The following MMS22L variants were observed in gnomAD, a reference collection of about 807,000 sequenced individuals.
MMS22L encodes the protein MMS22 like, DNA repair protein.
MMS22L carries 74 observed loss-of-function variants against 159.1 expected under a neutral mutation model. The ratio of observed to expected loss-of-function variants is 0.47; its 90% CI spans 0.39 to 0.56. MMS22L has a LOEUF of 0.56. Among genes scored for constraint, MMS22L ranks in the 20% least tolerant of loss-of-function variants. The pLI, the probability that MMS22L is intolerant of heterozygous loss-of-function variation, is 0.00. For synonymous variants in MMS22L, 517 were observed against 506.9 expected (o/e 1.02, Z -0.27); for missense variants, 1,351 against 1,422.1 (o/e 0.95, Z 0.80).
intron 14 of MMS22L, among the ~76,000 whole-genome samples, chr6:97,214,727 A>G (rs1206035237): frequency 6.9e-6 from 1 of 145,258 alleles, no homozygotes. Flanking sequence ...TAGGAGAAAC[A>G]TTTTTCTTCC....
At chr6:97,243,970 C>A (rs896979726) in intron 11 of MMS22L, among the ~76,000 whole-genome samples, 3 of 152,036 alleles carry the variant, frequency 2.0e-5, no homozygotes, top group Non-Finnish European at 4.4e-5. Context: ...GTGGAGGTAG[C>A]AGGGGAGTGA....
intron 11 of MMS22L, among the ~76,000 whole-genome samples, chr6:97,238,995 T>C (rs1438285174): frequency 1.3e-5 from 2 of 148,868 alleles, no homozygotes; most frequent in African/African-American, 5.0e-5. Flanking sequence ...GACTCATTTA[T>C]TTATGCATAA....
chr6:97,273,590 T>G (rs980657495), intron 4 of MMS22L, among the ~76,000 whole-genome samples: 6 of 152,174 alleles, frequency 3.9e-5, no homozygotes, highest in Non-Finnish European at 5.9e-5. Flanking sequence ...ACACCTATAC[T>G]TGGATTGCTC....
At chr6:97,152,172 C>G (rs897783471) in intron 22 of MMS22L, among the ~76,000 whole-genome samples, 16 of 151,974 alleles carry the variant, frequency 1.1e-4, no homozygotes, top group African/African-American at 3.9e-4. Flanking sequence ...ATCCTACAAA[C>G]AGTAACATAC....
chr6:97,217,025 T>C (rs1246365583), intron 14 of MMS22L, among the ~76,000 whole-genome samples: 1 of 152,166 alleles, frequency 6.6e-6, no homozygotes, highest in Non-Finnish European at 1.5e-5. Context: ...CTAGTTTCTG[T>C]TTTACAGTGT....
intron 14 of MMS22L, among the ~76,000 whole-genome samples, chr6:97,190,131 T>C (rs897889377): frequency 1.3e-5 from 2 of 152,182 alleles, no homozygotes; most frequent in East Asian, 1.9e-4. Context: ...CTGCTGAAGG[T>C]ACATTTACAA....
At chr6:97,252,766 T>C (rs553329505) in intron 10 of MMS22L, among the ~76,000 whole-genome samples, 1 of 152,228 alleles carries the variant, frequency 6.6e-6, no homozygotes, top group East Asian at 1.9e-4. Context: ...CTTACTTACA[T>C]TGATTAAAAT....
intron 22 of MMS22L, among the ~76,000 whole-genome samples, chr6:97,159,694 CT>C (rs1802221125): frequency 6.6e-6 from 1 of 151,800 alleles, no homozygotes; most frequent in African/African-American, 2.4e-5. Context: ...AATTCCACAC[CT>C]GACTTCATGT....
intron 22 of MMS22L, among the ~76,000 whole-genome samples, chr6:97,161,072 C>T (rs914422312): frequency 1.3e-5 from 2 of 151,996 alleles, no homozygotes; most frequent in Admixed American, 6.6e-5. Flanking sequence ...ACTGGCAGTT[C>T]CTGTGGCCTG....
intron 11 of MMS22L, among the ~76,000 whole-genome samples, chr6:97,238,572 C>CATGTGT (rs1052667059): frequency 3.3e-5 from 3 of 91,434 alleles, no homozygotes; most frequent in Admixed American, 1.0e-4. Context: ...TGTCTCATCT[C>CATGTGT]GTGTGTGTGT....
At chr6:97,280,030 CTAGA>C in intron 3 of MMS22L, among the ~76,000 whole-genome samples, 1 of 152,206 alleles carries the variant, frequency 6.6e-6, no homozygotes, top group East Asian at 1.9e-4. Flanking sequence ...AACCTATGTC[CTAGA>C]TAAAGACTCG....
chr6:97,282,510 C>T lies in MMS22L; in HGVS notation c.-33G>A, dbSNP rs535717386. On this transcript the variant is annotated 5_prime_UTR_variant, in exon 2 of 25. Transcript: ENST00000683635. Reference sequence around the variant, plus strand: ...TTCATGTTCTGAAACACTTGGGGTTCGTCGTATCATTAAGGGCTCCAAAGA... The same window carrying T: ...TTCATGTTCTGAAACACTTGGGGTTTGTCGTATCATTAAGGGCTCCAAAGA... 3.2e-5 allele frequency: 46 copies of T among 1,445,716 alleles called. No individual in the cohort carries two copies. The South Asian group carries it at 5.1e-4, about 16-fold the overall frequency. 89.6% of individuals were successfully genotyped at this position (1,445,716 alleles called of 1,614,324 possible).
At chr6:97,175,116 AATTTT>A (rs1215326042) in intron 18 of MMS22L, among the ~76,000 whole-genome samples, 3 of 152,220 alleles carry the variant, frequency 2.0e-5, no homozygotes, top group African/African-American at 7.2e-5. Context: ...GATATTAGAA[AATTTT>A]ATTTATTAAT....
intron 14 of MMS22L, among the ~76,000 whole-genome samples, chr6:97,224,381 C>T (rs1334492133): frequency 6.6e-6 from 1 of 151,900 alleles, no homozygotes; most frequent in African/African-American, 2.4e-5. Flanking sequence ...ATAACTTTGG[C>T]TTTAATGCTA....
At chr6:97,182,652 A>G (rs182176165) in intron 15 of MMS22L, among the ~76,000 whole-genome samples, 218 of 152,264 alleles carry the variant, frequency 1.4e-3, no homozygotes, top group Non-Finnish European at 1.2e-3. Flanking sequence ...TTTGTTTGCC[A>G]ATACATTATT....
chr6:97,201,266 G>C (rs1048700568), intron 14 of MMS22L, among the ~76,000 whole-genome samples: 4 of 152,040 alleles, frequency 2.6e-5, no homozygotes, highest in African/African-American at 9.7e-5. Flanking sequence ...AAAAATCAGT[G>C]TTTTTCTTTA....
At position 97,146,069 on chromosome 6, in the gene MMS22L, T is replaced by C. The variant is rs1477241448; in HGVS notation, c.*737A>G. The C allele has an allele frequency of 6.6e-6, 1 of 151,466 alleles. No individual in the cohort carries two copies. Among genetic ancestry groups the C allele is most frequent in the South Asian group, 2.1e-4 (1 of 4,796 alleles). The allele number at this position is 151,466 out of a possible 1,614,324, so 9.4% of individuals were successfully genotyped here. On this transcript the variant is annotated 3_prime_UTR_variant, in exon 25 of 25. Transcript: ENST00000683635. ...ATTTTTATTTACTCTCCTCTTAAAGTCTCCTTTATTTCCTCCTCCTGATAT... is the reference window on the plus strand; with the variant it reads ...ATTTTTATTTACTCTCCTCTTAAAGCCTCCTTTATTTCCTCCTCCTGATAT...
At chr6:97,182,164 A>G (rs1264052160) in intron 15 of MMS22L, 110 bp from the exon 16 acceptor site, 1 of 861,914 alleles carries the variant, frequency 1.2e-6, no homozygotes, top group South Asian at 1.9e-5. Flanking sequence ...TAAGTAACAA[A>G]TAATAAAATG....
chr6:97,213,096 AT>A (rs985453259), intron 14 of MMS22L, among the ~76,000 whole-genome samples: 1 of 152,018 alleles, frequency 6.6e-6, no homozygotes, highest in Non-Finnish European at 1.5e-5. Context: ...TGTCTTTGAT[AT>A]TTTTTTCTGT....
Sources: allele counts gnomAD v4.1 joint callset (sites outside exome capture counted in the v4.1 genomes callset), GRCh38; gene constraint gnomAD v4.1.1; transcripts MANE v1.5; gene names NCBI Gene and HGNC (gene_info 2026-07-23, HGNC 2026-07-21).